The following KCNIP1 variants were observed in gnomAD, a reference collection of about 807,000 sequenced individuals.
KCNIP1 encodes the protein potassium voltage-gated channel interacting protein 1, also known as A-type potassium channel modulatory protein KCNIP1.
KCNIP1 carries 18 observed loss-of-function variants against 33.0 expected under a neutral mutation model. That is an observed-to-expected ratio of 0.55 (90% CI 0.38 to 0.81). The LOEUF is 0.81. Among genes scored for constraint, KCNIP1 ranks in the 30% least tolerant of loss-of-function variants. The pLI is 0.00. For missense variants in KCNIP1, 238 were observed against 271.6 expected (o/e 0.88, Z 0.87); for synonymous variants, 93 against 98.3 (o/e 0.95, Z 0.32).
intron 1 of KCNIP1, among the ~76,000 whole-genome samples, chr5:170,694,500 C>G (rs757390695): frequency 6.6e-5 from 10 of 152,152 alleles, no homozygotes; most frequent in Non-Finnish European, 1.5e-4. Context: ...CCTCACTCAC[C>G]AGTGAGCCCC....
chr5:170,419,745 T>C lies in KCNIP1; in HGVS notation c.88+65781T>C, dbSNP rs551699950. Reference sequence around the variant, plus strand: ...GAAGAAGGTGCTGTTAATAATTGCATTGGGACGCAGGCCTGAGCAGGCCAT... The same window carrying C: ...GAAGAAGGTGCTGTTAATAATTGCACTGGGACGCAGGCCTGAGCAGGCCAT... On this transcript the variant is annotated intron_variant, in intron 1 of 7. Coordinates refer to the KCNIP1 transcript ENST00000377360. Among the ~76,000 whole-genome samples, 5 of 152,344 alleles carry C rather than the reference T, an allele frequency of 3.3e-5. No homozygotes were observed. The East Asian group carries it at 5.8e-4, about 18-fold the overall frequency.
At chr5:170,476,615 T>C (rs770069237) in intron 1 of KCNIP1, among the ~76,000 whole-genome samples, 4 of 152,230 alleles carry the variant, frequency 2.6e-5, no homozygotes, top group Admixed American at 6.5e-5. Context: ...GTATCAAAGT[T>C]ACGGTCTTGG....
At chr5:170,533,821 C>T (rs1225138247) in intron 1 of KCNIP1, among the ~76,000 whole-genome samples, 3 of 152,174 alleles carry the variant, frequency 2.0e-5, no homozygotes, top group Non-Finnish European at 4.4e-5. Flanking sequence ...AGTCACATTC[C>T]GTCTCCAAAT....
At chr5:170,649,913 G>T (rs1760970146) in intron 1 of KCNIP1, among the ~76,000 whole-genome samples, 1 of 152,184 alleles carries the variant, frequency 6.6e-6, no homozygotes, top group Non-Finnish European at 1.5e-5. Flanking sequence ...AGGCTCGGTT[G>T]TTCTTCATAA....
intron 1 of KCNIP1, among the ~76,000 whole-genome samples, chr5:170,356,898 G>T (rs1282925848): frequency 6.6e-6 from 1 of 152,166 alleles, no homozygotes; most frequent in Admixed American, 6.5e-5. Context: ...CTGTTTAGCT[G>T]CAGCAAGCTG....
intron 1 of KCNIP1, among the ~76,000 whole-genome samples, chr5:170,616,943 G>A (rs1759398951): frequency 6.6e-6 from 1 of 151,936 alleles, no homozygotes; most frequent in Non-Finnish European, 1.5e-5. Context: ...GCCCACCTCT[G>A]CTCTTTGATT....
At chr5:170,544,159 T>C (rs923118549) in intron 1 of KCNIP1, among the ~76,000 whole-genome samples, 1 of 152,124 alleles carries the variant, frequency 6.6e-6, no homozygotes, top group African/African-American at 2.4e-5. Flanking sequence ...ACACCTGTAA[T>C]ACCAGCACTT....
chr5:170,471,844 C>A (rs1478316156), intron 1 of KCNIP1, among the ~76,000 whole-genome samples: 1 of 152,202 alleles, frequency 6.6e-6, no homozygotes, highest in Non-Finnish European at 1.5e-5. Context: ...CAGGAAATTT[C>A]TTGGTGTTCA....
At chr5:170,495,330 C>T (rs1380002206) in intron 1 of KCNIP1, among the ~76,000 whole-genome samples, 2 of 152,184 alleles carry the variant, frequency 1.3e-5, no homozygotes, top group African/African-American at 4.8e-5. Flanking sequence ...CTGGACCGCA[C>T]CACTGTTGGG....
At position 170,622,608 on chromosome 5, in the gene KCNIP1, G is replaced by A. The variant is rs940452288; in HGVS notation, c.62-96150G>A. 5.7e-5 allele frequency among the ~76,000 whole-genome samples: 8 copies of A among 139,436 alleles called. No individual in the cohort carries two copies. The South Asian group carries it at 1.2e-3, about 21-fold the overall frequency. 91.5% of individuals were successfully genotyped at this position (139,436 alleles called of 152,430 possible). On this transcript the variant is annotated intron_variant, in intron 1 of 7. Transcript: ENST00000328939. ...CTGCACTCCAGCCTAGGTGACAAGC[G>A]TGAGACTCTGTCTCAAAAAAAAAAA...
At chr5:170,520,689 G>A (rs569482923) in intron 1 of KCNIP1, among the ~76,000 whole-genome samples, 130 of 152,244 alleles carry the variant, frequency 8.5e-4, no homozygotes, top group African/African-American at 2.3e-3. Flanking sequence ...CCGCCTGAGC[G>A]TCCCTGGAGA....
In KCNIP1 at chr5:170,626,266, G is replaced by A. The variant is rs1581414503; in HGVS notation, c.62-92492G>A. 2.0e-5 allele frequency among the ~76,000 whole-genome samples: 3 copies of A among 152,200 alleles called. No homozygotes were observed. The South Asian group carries it at 6.2e-4, about 32-fold the overall frequency. On this transcript the variant is annotated intron_variant, in intron 1 of 7. Transcript: ENST00000328939. ...GTAGGAGCATCTGCACCCAGCAAAT[G>A]GAAACTGAAGCTCAGGAATATTCAG... is the stretch of plus-strand genomic sequence containing the variant.
chr5:170,412,977 G>A (rs991777587), intron 1 of KCNIP1, among the ~76,000 whole-genome samples: 2 of 152,108 alleles, frequency 1.3e-5, no homozygotes, highest in Non-Finnish European at 2.9e-5. Flanking sequence ...CTGTCCCTCT[G>A]GAATGGAAAC....
At chr5:170,566,582 A>G (rs1453537996) in intron 1 of KCNIP1, among the ~76,000 whole-genome samples, 5 of 152,226 alleles carry the variant, frequency 3.3e-5, no homozygotes, top group African/African-American at 1.2e-4. Context: ...CATGTCCCTC[A>G]GGAAACAGGT....
At chr5:170,500,157 T>TG (rs918569391), upstream of KCNIP1, among the ~76,000 whole-genome samples, 2 of 152,130 alleles carry the variant, frequency 1.3e-5, no homozygotes, top group South Asian at 2.1e-4. Flanking sequence ...TCTTTGTGCG[T>TG]GGGGGGTCTT....
chr5:170,383,421 AC>A (rs1293496267), intron 1 of KCNIP1: 1 of 603,060 alleles, frequency 1.7e-6, no homozygotes, highest in Non-Finnish European at 3.0e-6. Context: ...TTAGCATTCC[AC>A]TTTACAAGGG....
At chr5:170,619,271 G>A (rs1012538764) in intron 1 of KCNIP1, among the ~76,000 whole-genome samples, 9 of 152,102 alleles carry the variant, frequency 5.9e-5, no homozygotes, top group Admixed American at 3.9e-4. Context: ...GGACACTGGT[G>A]TCTGATGGAC....
At chr5:170,406,717 C>G (rs1018530807) in intron 1 of KCNIP1, among the ~76,000 whole-genome samples, 1 of 152,192 alleles carries the variant, frequency 6.6e-6, no homozygotes, top group South Asian at 2.1e-4. Flanking sequence ...ACACCCTCTC[C>G]CTCTTAGGCT....
intron 1 of KCNIP1, among the ~76,000 whole-genome samples, chr5:170,593,704 A>G (rs1027663950): frequency 2.0e-5 from 3 of 152,184 alleles, no homozygotes; most frequent in South Asian, 2.1e-4. Flanking sequence ...GCGAGACATC[A>G]TCCCCGGCTG....
Sources: gnomAD v4.1 joint callset for allele counts (sites outside exome capture counted in the v4.1 genomes callset) on GRCh38, gnomAD v4.1.1 for gene constraint, MANE v1.5 for transcripts, NCBI Gene and HGNC (gene_info 2026-07-23, HGNC 2026-07-21) for gene names.